EPHA7: variants seen among roughly 807,000 people sequenced by gnomAD.
The protein encoded by EPHA7 is ephrin type-A receptor 7.
A neutral mutation model predicts 112.6 loss-of-function variants in EPHA7; 25 were observed. That is an observed-to-expected ratio of 0.22 (90% CI 0.16 to 0.31). The LOEUF (loss-of-function observed/expected upper bound fraction) is 0.31, where lower values mean the gene tolerates loss of function less well. EPHA7 is among the 10% of genes least tolerant of loss of function. The pLI is 1.00. For synonymous variants in EPHA7, 437 were observed against 406.5 expected, an observed-to-expected ratio of 1.07 and a Z score of -0.90; for missense variants, 962 against 1,212.6, an observed-to-expected ratio of 0.79 and a Z score of 3.07.
intron 3 of EPHA7, among the ~76,000 whole-genome samples, chr6:93,404,065 G>A (rs1183409198): frequency 6.6e-6 from 1 of 152,040 alleles, no homozygotes; most frequent in Non-Finnish European, 1.5e-5. Flanking sequence ...ATAAAAATGT[G>A]ACTGAAAGTT....
intron 3 of EPHA7, among the ~76,000 whole-genome samples, chr6:93,373,396 C>T (rs999845354): frequency 6.6e-6 from 1 of 151,988 alleles, no homozygotes; most frequent in East Asian, 1.9e-4. Context: ...AGAACAGAAG[C>T]CCTGACTTAT....
At chr6:93,395,857 G>A (rs1278608334) in intron 3 of EPHA7, among the ~76,000 whole-genome samples, 1 of 151,838 alleles carries the variant, frequency 6.6e-6, no homozygotes, top group Non-Finnish European at 1.5e-5. Context: ...AAGTGTCATA[G>A]TTTGGGTCTC....
At chr6:93,316,672 A>T (rs164297) in intron 5 of EPHA7, among the ~76,000 whole-genome samples, 57,625 of 151,964 alleles carry the variant, frequency 0.38, 11,750 homozygotes, top group African/African-American at 0.54. Flanking sequence ...TTTCTATATT[A>T]ACTAGTAAAA....
At chr6:93,354,229 C>T (rs1775831850) in intron 5 of EPHA7, among the ~76,000 whole-genome samples, 1 of 151,938 alleles carries the variant, frequency 6.6e-6, no homozygotes. Context: ...CAAATCACCC[C>T]CCTTTAGGAA....
At chr6:93,291,941 T>C (rs1328885316) in intron 5 of EPHA7, among the ~76,000 whole-genome samples, 1 of 152,116 alleles carries the variant, frequency 6.6e-6, no homozygotes, top group East Asian at 1.9e-4. Flanking sequence ...ATTCAAGGTA[T>C]GTAACATACA....
chr6:93,415,843 T>C (rs143238620), intron 1 of EPHA7, among the ~76,000 whole-genome samples: 2 of 152,284 alleles, frequency 1.3e-5, no homozygotes, highest in Admixed American at 1.3e-4. Flanking sequence ...CTTTTAATAA[T>C]TATACAACTC....
At chr6:93,417,585 A>T (rs1363477217) in intron 1 of EPHA7, among the ~76,000 whole-genome samples, 1 of 152,214 alleles carries the variant, frequency 6.6e-6, no homozygotes, top group Non-Finnish European at 1.5e-5. Flanking sequence ...AGTTATTTAT[A>T]GCCCAAACTC....
intron 7 of EPHA7, among the ~76,000 whole-genome samples, chr6:93,267,254 C>T (rs542962716): frequency 6.6e-6 from 1 of 151,858 alleles, no homozygotes; most frequent in South Asian, 2.1e-4. Flanking sequence ...TGTTTAATAA[C>T]AGCTGACACT....
At chr6:93,262,341 AG>A (rs1278319940) in intron 9 of EPHA7, among the ~76,000 whole-genome samples, 2 of 151,468 alleles carry the variant, frequency 1.3e-5, no homozygotes, top group Admixed American at 6.6e-5. Context: ...GATTAGCAAA[AG>A]GAAGTTCTGA....
At position 93,255,875 on chromosome 6, in the gene EPHA7, G is replaced by A. The variant is rs1770420473; in HGVS notation, c.2335C>T (p.Leu779=). The A allele has an allele frequency of 6.2e-7, 1 of 1,614,054 alleles. No individual in the cohort carries two copies. The highest frequency in any genetic ancestry group is 2.2e-5 in the East Asian group (1 of 44,860). The change falls in exon 13 of 17, where the codon CTG becomes TTG. Residue 779 remains leucine, a synonymous_variant. Transcript: ENST00000369303. ...NLVCKVSDFG[L]SRVIEDDPEA... ...GGATCATCCTCTATAACTCGGGACA[G>A]GCCAAAATCTGACACTTTACAAACG...
In EPHA7 at chr6:93,246,957, C is replaced by T. The variant is rs776802108; in HGVS notation, c.2561G>A (p.Arg854His). ...TGGGCAGTCCATGGGTGCTGGTAAA[C>T]GATAACCTTCTTCTATTGCTTTTAT... ...DVIKAIEEGY[R>H]LPAPMDCPAG... is the part of the protein sequence containing the mutation. The change falls in exon 15 of 17, where the codon CGT becomes CAT. Residue 854 changes from arginine to histidine, a missense_variant. By Grantham distance (29) the Arg-to-His change is conservative. This residue lies in a region of EPHA7 where 746 missense variants were observed against 889.2 expected (regional missense o/e 0.84). Transcript: ENST00000369303. The T allele has an allele frequency of 7.5e-6, 12 of 1,601,416 alleles. No individual in the cohort carries two copies. The highest frequency in any genetic ancestry group is 4.0e-5 in the African/African-American group (3 of 74,784).
At position 93,271,353 on chromosome 6, in the gene EPHA7, C is replaced by G. The variant is rs183021056; in HGVS notation, c.1449+945G>C. On this transcript the variant is annotated intron_variant, in intron 6 of 16. Coordinates refer to ENST00000369303, the MANE Select transcript of EPHA7 (RefSeq NM_004440.4). ...ATTTATTTAATCATGTCCATTCATC[C>G]CCAAAGTTTTCTCAAAGCTTTAAGC... Among the ~76,000 whole-genome samples, 7 of 151,812 alleles carry G rather than the reference C, an allele frequency of 4.6e-5. No homozygotes were observed. In the East Asian group the frequency reaches 1.4e-3, roughly 29 times the overall value.
At chr6:93,334,659 C>T (rs1002424518) in intron 5 of EPHA7, among the ~76,000 whole-genome samples, 12 of 152,112 alleles carry the variant, frequency 7.9e-5, no homozygotes, top group African/African-American at 2.2e-4. Flanking sequence ...CAAAGAAGCA[C>T]ATTAAGGTGT....
In EPHA7 at chr6:93,405,813, G is replaced by GTGTGTATA. The variant is rs1357089640; in HGVS notation, c.832+4687_832+4688insTATACACA. Among the ~76,000 whole-genome samples, 15 of 73,974 alleles carry GTGTGTATA rather than the reference G, an allele frequency of 2.0e-4. No individual in the cohort carries two copies. The East Asian group carries it at 3.7e-3, about 18-fold the overall frequency. 48.5% of individuals were successfully genotyped at this position (73,974 alleles called of 152,430 possible). ...TGTGTGTGTGTGTGTGTGTGTGTGTGTATATATATATATATATATATATAT... is the reference window on the plus strand; with the variant it reads ...TGTGTGTGTGTGTGTGTGTGTGTGTGTGTGTATATATATATATATATATATATATATAT... On this transcript the variant is annotated intron_variant, in intron 3 of 16. Coordinates refer to ENST00000369303, the MANE Select transcript of EPHA7 (RefSeq NM_004440.4).
chr6:93,277,446 G>C (rs1164487118), intron 5 of EPHA7, among the ~76,000 whole-genome samples: 1 of 151,790 alleles, frequency 6.6e-6, no homozygotes, highest in Non-Finnish European at 1.5e-5. Flanking sequence ...TGGAAAAACA[G>C]GGTGGCTAAT....
At chr6:93,412,695 C>A (rs1261727298) in intron 2 of EPHA7, among the ~76,000 whole-genome samples, 2 of 152,006 alleles carry the variant, frequency 1.3e-5, no homozygotes, top group Non-Finnish European at 2.9e-5. Context: ...AGATTTCAGT[C>A]TCTTAATTAG....
intron 5 of EPHA7, among the ~76,000 whole-genome samples, chr6:93,309,371 A>AT (rs1773416531): frequency 2.6e-5 from 4 of 152,224 alleles, no homozygotes; most frequent in Admixed American, 1.3e-4. Flanking sequence ...TTCTATACAT[A>AT]TATTTTACCA....
rs1778963037 is a variant in EPHA7 at position 93,411,229 on chromosome 6, A to C, written c.163-59T>G. The stretch of plus-strand genomic sequence containing the variant: ...AGCAAAAAATAACATTTTGCTTTTG[A>C]AAGTGCAAGTACTTCACAAATACAG... On this transcript the variant is annotated intron_variant, in intron 2 of 16. Transcript: ENST00000369303. The C allele has an allele frequency of 2.9e-6, 4 of 1,398,776 alleles. No homozygotes were observed. In the East Asian group the frequency reaches 9.2e-5, roughly 32 times the overall value. 86.6% of individuals were successfully genotyped at this position (1,398,776 alleles called of 1,614,324 possible).
rs142325982 is a variant in EPHA7, at chr6:93,387,062, C to T, written c.832+23439G>A. Among the ~76,000 whole-genome samples the T allele has an allele frequency of 9.5e-4, 144 of 152,254 alleles. 1 individual carries two copies. The highest frequency in any genetic ancestry group is 3.4e-3 in the African/African-American group (140 of 41,536). On this transcript the variant is annotated intron_variant, in intron 3 of 16. Coordinates refer to ENST00000369303, the MANE Select transcript of EPHA7 (RefSeq NM_004440.4). ...GCAACTAACATTTGGCTCCTTATTA[C>T]TTATGCAAATTTCTGCAGCATATTT...
Sources: allele counts gnomAD v4.1 joint callset (sites outside exome capture counted in the v4.1 genomes callset), GRCh38; gene constraint gnomAD v4.1.1; regional missense constraint gnomAD v4.1.1; transcripts MANE v1.5; gene names NCBI Gene and HGNC (gene_info 2026-07-23, HGNC 2026-07-21).